The following ABHD12 variants were observed in gnomAD, a reference collection of about 807,000 sequenced individuals.
ABHD12 encodes abhydrolase domain containing 12, lysophospholipase, also known as lysophosphatidylserine lipase ABHD12.
In ABHD12, 43 loss-of-function variants were observed where a neutral mutation model predicts 58.3. The observed-to-expected ratio is 0.74, with a 90% CI of 0.58 to 0.95. The LOEUF is 0.95. Among genes scored for constraint, ABHD12 ranks in the 40% least tolerant of loss-of-function variants. The probability of loss-of-function intolerance (pLI) is 0.00; values close to 1 mark genes in which losing one functional copy is unlikely to be tolerated. For synonymous variants in ABHD12, 219 were observed against 211.2 expected (o/e 1.04, Z -0.32); for missense variants, 539 against 537.2 (o/e 1.00, Z -0.03).
At chr20:25,305,072 T>C (rs896963814) in intron 10 of ABHD12, among the ~76,000 whole-genome samples, 6 of 151,936 alleles carry the variant, frequency 3.9e-5, no homozygotes, top group African/African-American at 1.5e-4. Context: ...GGGTTCACCA[T>C]GTTAGGGTGA....
chr20:25,338,994 G>A, intron 2 of ABHD12: 3 of 1,293,602 alleles, frequency 2.3e-6, no homozygotes, highest in Non-Finnish European at 3.0e-6. Flanking sequence ...GCTGGGAAGG[G>A]GCACAGGGAC....
At chr20:25,374,140 G>A (rs539702475) in intron 1 of ABHD12, among the ~76,000 whole-genome samples, 1 of 152,186 alleles carries the variant, frequency 6.6e-6, no homozygotes, top group South Asian at 2.1e-4. Flanking sequence ...TGCCCAGGCT[G>A]GTCTCAGATT....
intron 1 of ABHD12, among the ~76,000 whole-genome samples, chr20:25,380,529 T>A (rs1600880815): frequency 1.3e-5 from 2 of 152,216 alleles, no homozygotes; most frequent in East Asian, 3.9e-4. Flanking sequence ...AAAAGCTACC[T>A]GCATTTCCTC....
chr20:25,385,369 G>C lies in ABHD12; in HGVS notation c.191+5144C>G, dbSNP rs185949504. The stretch of plus-strand genomic sequence containing the variant: ...AAAAAAAAAAAAGAGGAAAACGGAG[G>C]AAAAACCCTAATTACAAAAAACAGG... On this transcript the variant is annotated intron_variant, in intron 1 of 12. Coordinates refer to ENST00000339157, the MANE Select transcript of ABHD12 (RefSeq NM_001042472.3). Among the ~76,000 whole-genome samples, 255 of 145,576 alleles carry C rather than the reference G, an allele frequency of 1.8e-3. 2 individuals carry two copies. Among genetic ancestry groups the C allele is most frequent in the Middle Eastern group, 0.014 (4 of 280 alleles).
chr20:25,370,922 C>G (rs922837271), intron 1 of ABHD12, among the ~76,000 whole-genome samples: 3 of 150,974 alleles, frequency 2.0e-5, no homozygotes, highest in Non-Finnish European at 2.9e-5. Context: ...TGAGCTCAAG[C>G]AATCCTCCTT....
intron 1 of ABHD12, among the ~76,000 whole-genome samples, chr20:25,372,616 C>A (rs965860297): frequency 6.6e-6 from 1 of 152,140 alleles, no homozygotes; most frequent in Non-Finnish European, 1.5e-5. Flanking sequence ...GAATTTTGGA[C>A]GGATAGCTTT....
intron 2 of ABHD12, among the ~76,000 whole-genome samples, chr20:25,332,831 C>T (rs377719471): frequency 1.4e-5 from 1 of 72,648 alleles, no homozygotes; most frequent in Non-Finnish European, 2.7e-5. Flanking sequence ...ATTTATAGCA[C>T]TAAATACCCA....
intron 3 of ABHD12, among the ~76,000 whole-genome samples, chr20:25,320,816 C>T (rs548996667): frequency 1.7e-4 from 24 of 139,996 alleles, no homozygotes; most frequent in African/African-American, 5.9e-4. Flanking sequence ...CCATCGCTGA[C>T]GCCATTTCTA....
At chr20:25,301,957 G>A (rs1286947266) in intron 12 of ABHD12, among the ~76,000 whole-genome samples, 2 of 152,222 alleles carry the variant, frequency 1.3e-5, no homozygotes, top group Non-Finnish European at 2.9e-5. Context: ...ACCTGTGAGC[G>A]TGTGTGCCCC....
At position 25,354,382 on chromosome 20, in the gene ABHD12, G is replaced by A. The variant is rs116108011; in HGVS notation, c.192-15031C>T. 9.0e-3 allele frequency among the ~76,000 whole-genome samples: 1,374 copies of A among 152,304 alleles called. 19 individuals are homozygous for A. Among genetic ancestry groups the A allele is most frequent in the African/African-American group, 0.029 (1,194 of 41,572 alleles). ...GAACTGGGGGGCAGGGAGGCAGGGA[G>A]GGGGTCACCCCACTGACCCCAGCTC... On this transcript the variant is annotated intron_variant, in intron 1 of 12. Transcript: ENST00000339157.
At chr20:25,326,740 A>G (rs1184868093) in intron 2 of ABHD12, among the ~76,000 whole-genome samples, 1 of 103,298 alleles carries the variant, frequency 9.7e-6, no homozygotes, top group Non-Finnish European at 2.1e-5. Flanking sequence ...ATTATGCTTC[A>G]AAAAAAAACA....
intron 6 of ABHD12, among the ~76,000 whole-genome samples, chr20:25,310,663 G>T (rs985395828): frequency 1.3e-5 from 2 of 152,256 alleles, no homozygotes; most frequent in South Asian, 2.1e-4. Context: ...CAGAGACAGG[G>T]ACAGGAGACA....
At chr20:25,388,284 G>C (rs923110527) in intron 1 of ABHD12, among the ~76,000 whole-genome samples, 1 of 152,174 alleles carries the variant, frequency 6.6e-6, no homozygotes, top group Non-Finnish European at 1.5e-5. Flanking sequence ...ATGGATATCT[G>C]TTCTATGGAT....
chr20:25,351,187 C>A (rs951830239), intron 1 of ABHD12, among the ~76,000 whole-genome samples: 2 of 152,172 alleles, frequency 1.3e-5, no homozygotes, highest in Non-Finnish European at 2.9e-5. Context: ...TTCTTCCCAA[C>A]AGTGACATCA....
chr20:25,383,645 C>A (rs932921658), intron 1 of ABHD12, among the ~76,000 whole-genome samples: 18 of 152,026 alleles, frequency 1.2e-4, no homozygotes, highest in Non-Finnish European at 2.2e-4. Flanking sequence ...ATGGTGAAAC[C>A]CCGTCTCTAC....
intron 1 of ABHD12, among the ~76,000 whole-genome samples, chr20:25,353,713 G>C (rs775715163): frequency 6.6e-6 from 1 of 152,164 alleles, no homozygotes; most frequent in Non-Finnish European, 1.5e-5. Context: ...GCAAGCACCC[G>C]AGGCATAGAG....
chr20:25,321,296 T>C (rs1405003223), intron 3 of ABHD12, among the ~76,000 whole-genome samples: 1 of 152,236 alleles, frequency 6.6e-6, no homozygotes, highest in East Asian at 1.9e-4. Context: ...AGGGAACTCC[T>C]AGCCAGCAGA....
chr20:25,309,865 G>C (rs1034658601), intron 6 of ABHD12, among the ~76,000 whole-genome samples: 3 of 152,342 alleles, frequency 2.0e-5, no homozygotes, highest in African/African-American at 7.2e-5. Flanking sequence ...ACTCTAAGTT[G>C]GTGAGCTGCA....
intron 1 of ABHD12, among the ~76,000 whole-genome samples, chr20:25,357,173 C>T (rs1019142585): frequency 2.0e-5 from 3 of 152,172 alleles, no homozygotes; most frequent in African/African-American, 4.8e-5. Context: ...CTAGCACTTC[C>T]TCACCCAACC....
Sources: allele counts gnomAD v4.1 joint callset (sites outside exome capture counted in the v4.1 genomes callset), GRCh38; gene constraint gnomAD v4.1.1; transcripts MANE v1.5; gene names NCBI Gene and HGNC (gene_info 2026-07-23, HGNC 2026-07-21).